The following MEGF11 variants were observed in gnomAD, a reference collection of about 807,000 sequenced individuals.
The protein encoded by MEGF11 is multiple epidermal growth factor-like domains protein 11.
MEGF11 carries 126 observed loss-of-function variants against 146.6 expected under a neutral mutation model. The ratio of observed to expected loss-of-function variants is 0.86; its 90% CI spans 0.74 to 1.00. MEGF11 has a LOEUF of 1.00. Ranked by LOEUF, MEGF11 falls within the 50% of genes least tolerant of loss-of-function variation. The pLI is 0.00. For missense variants in MEGF11, 1,509 were observed against 1,521.2 expected, an observed-to-expected ratio of 0.99 and a Z score of 0.13; for synonymous variants, 532 against 583.4, an observed-to-expected ratio of 0.91 and a Z score of 1.27.
At chr15:65,910,995 A>T (rs1193278602) in intron 21 of MEGF11, among the ~76,000 whole-genome samples, 1 of 151,680 alleles carries the variant, frequency 6.6e-6, no homozygotes, top group Non-Finnish European at 1.5e-5. Flanking sequence ...CTTGTTTCCC[A>T]CTCTGCCTGG....
In MEGF11 at chr15:65,916,970, GA is replaced by G; in HGVS notation, c.2087-15del. ...CGGGTGGGCAAGCTGGGATGTCGGT[GA>G]AATGCAGAGGGTGAGGGGAAGGCAG... On this transcript the variant is annotated splice_polypyrimidine_tract_variant and intron_variant, in intron 16 of 25. Transcript: ENST00000395614. 1 of 1,494,384 alleles carries G rather than the reference GA, an allele frequency of 6.7e-7. No individual in the cohort carries two copies. Among genetic ancestry groups the G allele is most frequent in the South Asian group, 1.3e-5 (1 of 75,476 alleles). 92.6% of individuals were successfully genotyped at this position (1,494,384 alleles called of 1,614,324 possible). A position where few individuals can be genotyped will look rare whatever the true frequency, so the allele number is the denominator to read the frequency against.
At chr15:65,958,107 C>G (rs1004302126) in intron 9 of MEGF11, among the ~76,000 whole-genome samples, 2 of 152,222 alleles carry the variant, frequency 1.3e-5, no homozygotes, top group African/African-American at 2.4e-5. Flanking sequence ...CATCCCTCAC[C>G]TAAGGTGAAT....
intron 5 of MEGF11, among the ~76,000 whole-genome samples, chr15:66,082,957 C>T (rs965491062): frequency 7.2e-5 from 11 of 152,168 alleles, no homozygotes; most frequent in Admixed American, 2.6e-4. Flanking sequence ...TCACCTGTCC[C>T]AGGCCAGGGG....
At chr15:65,952,379 G>A (rs558756861) in intron 10 of MEGF11, among the ~76,000 whole-genome samples, 1 of 152,288 alleles carries the variant, frequency 6.6e-6, no homozygotes, top group South Asian at 2.1e-4. Context: ...CAAGTGGATG[G>A]ACAGCTCCAC....
intron 1 of MEGF11, among the ~76,000 whole-genome samples, chr15:66,247,436 G>A (rs2092310909): frequency 1.3e-5 from 2 of 152,280 alleles, no homozygotes; most frequent in East Asian, 3.9e-4. Flanking sequence ...AGGCACAGGA[G>A]GTGAAAAACA....
rs1256142065 is a variant in MEGF11 at position 65,897,075 on chromosome 15, CTA to C, written c.*857_*858del. On this transcript the variant is annotated 3_prime_UTR_variant, in exon 26 of 26. Coordinates refer to ENST00000395614, the MANE Select transcript of MEGF11 (RefSeq NM_001385028.1). ...CGTCTTTTACTTAATCCCGACCAGT[CTA>C]TGACTGCTTGCTTAAAGGATCATCT... The C allele has an allele frequency of 6.6e-6, 1 of 152,210 alleles. No homozygotes were observed. The highest frequency in any genetic ancestry group is 1.5e-5 in the Non-Finnish European group (1 of 68,050). 9.4% of individuals were successfully genotyped at this position (152,210 alleles called of 1,614,324 possible).
chr15:66,003,899 T>A (rs2082440594), intron 5 of MEGF11, among the ~76,000 whole-genome samples: 1 of 152,208 alleles, frequency 6.6e-6, no homozygotes. Flanking sequence ...ACAGTCCTGC[T>A]CCACTCTGTC....
In MEGF11 at chr15:66,162,170, C is replaced by G. The variant is rs377298354; in HGVS notation, c.-8-33759G>C. ...GAGCAAAGATGGGATCAGGGCCAAC[C>G]ACCCTGAGAAGTAAGGTTCAGGCTG... On this transcript the variant is annotated intron_variant, in intron 1 of 25. Transcript: ENST00000395614. Among the ~76,000 whole-genome samples, 27 of 152,244 alleles carry G rather than the reference C, an allele frequency of 1.8e-4. No individual in the cohort carries two copies. The South Asian group carries it at 5.4e-3, about 30-fold the overall frequency.
At chr15:66,144,312 A>T (rs2089284905) in intron 1 of MEGF11, among the ~76,000 whole-genome samples, 1 of 152,038 alleles carries the variant, frequency 6.6e-6, no homozygotes, top group Non-Finnish European at 1.5e-5. Context: ...AGAACCACCC[A>T]CCAGGAGCTC....
At chr15:66,109,059 G>T (rs1242509286) in intron 4 of MEGF11, among the ~76,000 whole-genome samples, 1 of 152,166 alleles carries the variant, frequency 6.6e-6, no homozygotes, top group Non-Finnish European at 1.5e-5. Flanking sequence ...TCAGCACGAG[G>T]GGCCCTGCTG....
intron 9 of MEGF11, among the ~76,000 whole-genome samples, chr15:65,962,841 C>A (rs188045207): frequency 6.6e-6 from 1 of 152,086 alleles, no homozygotes; most frequent in African/African-American, 2.4e-5. Context: ...CTGGTGGGCA[C>A]GCTCAGAGCC....
At chr15:66,071,504 T>C (rs565387486) in intron 5 of MEGF11, among the ~76,000 whole-genome samples, 1 of 152,212 alleles carries the variant, frequency 6.6e-6, no homozygotes, top group Admixed American at 6.5e-5. Context: ...CTAAGCAAAT[T>C]GTATTGAATT....
chr15:66,234,181 G>A (rs1295993108), intron 1 of MEGF11, among the ~76,000 whole-genome samples: 2 of 152,038 alleles, frequency 1.3e-5, no homozygotes, highest in Non-Finnish European at 2.9e-5. Context: ...TTACAGGCAC[G>A]AGCCACTGCA....
intron 5 of MEGF11, among the ~76,000 whole-genome samples, chr15:66,006,168 T>G (rs562656685): frequency 6.6e-6 from 1 of 152,154 alleles, no homozygotes; most frequent in Non-Finnish European, 1.5e-5. Context: ...CTATTTGTTG[T>G]TGCTGTGAAG....
At chr15:66,023,572 A>G (rs567642293) in intron 5 of MEGF11, among the ~76,000 whole-genome samples, 1 of 152,332 alleles carries the variant, frequency 6.6e-6, no homozygotes, top group South Asian at 2.1e-4. Flanking sequence ...GCCTTTTTGA[A>G]TGGAGACTCT....
At chr15:66,052,555 C>T (rs1348051634) in intron 5 of MEGF11, among the ~76,000 whole-genome samples, 1 of 152,246 alleles carries the variant, frequency 6.6e-6, no homozygotes, top group Non-Finnish European at 1.5e-5. Flanking sequence ...CTATTCCAGG[C>T]CTGCCTGTTC....
chr15:66,233,644 C>T (rs746753332), intron 1 of MEGF11, among the ~76,000 whole-genome samples: 7 of 152,196 alleles, frequency 4.6e-5, no homozygotes, highest in East Asian at 1.9e-4. Flanking sequence ...CCAGCAGCCA[C>T]GCCCTTTCCC....
chr15:66,196,001 G>A (rs1349511856), intron 1 of MEGF11, among the ~76,000 whole-genome samples: 1 of 152,224 alleles, frequency 6.6e-6, no homozygotes, highest in African/African-American at 2.4e-5. Flanking sequence ...AGCGGGGTAA[G>A]TGGCAGGAAG....
chr15:66,007,106 C>T (rs1330357425), intron 5 of MEGF11, among the ~76,000 whole-genome samples: 3 of 152,206 alleles, frequency 2.0e-5, no homozygotes, highest in Admixed American at 1.3e-4. Flanking sequence ...GAGGGTCCAC[C>T]GTGCCAGCAC....
Sources: gnomAD v4.1 joint callset for allele counts (sites outside exome capture counted in the v4.1 genomes callset) on GRCh38, gnomAD v4.1.1 for gene constraint, MANE v1.5 for transcripts, NCBI Gene and HGNC (gene_info 2026-07-23, HGNC 2026-07-21) for gene names.